KCND2: variants seen among roughly 807,000 people sequenced by gnomAD.
The protein encoded by KCND2 is A-type voltage-gated potassium channel KCND2.
In KCND2, 16 loss-of-function variants were observed where a neutral mutation model predicts 54.4. The ratio of observed to expected loss-of-function variants is 0.29; its 90% CI spans 0.20 to 0.45. KCND2 has a LOEUF of 0.45. Ranked by LOEUF, KCND2 falls within the 20% of genes least tolerant of loss-of-function variation. KCND2 has a pLI of 1.00. For synonymous variants in KCND2, 317 were observed against 310.7 expected, an observed-to-expected ratio of 1.02 and a Z score of -0.21; for missense variants, 486 against 824.2, an observed-to-expected ratio of 0.59 and a Z score of 5.02.
At chr7:120,712,960 C>T (rs1302219882) in intron 1 of KCND2, among the ~76,000 whole-genome samples, 1 of 152,150 alleles carries the variant, frequency 6.6e-6, no homozygotes, top group Non-Finnish European at 1.5e-5. Flanking sequence ...TGCATATCAG[C>T]TCTTTTAAAA....
intron 1 of KCND2, among the ~76,000 whole-genome samples, chr7:120,547,538 C>T (rs1054659835): frequency 6.6e-6 from 1 of 152,010 alleles, no homozygotes. Flanking sequence ...TTAGAACTCT[C>T]TGTTCCCTCC....
intron 1 of KCND2, among the ~76,000 whole-genome samples, chr7:120,427,425 A>T (rs1801726799): frequency 6.6e-6 from 1 of 152,170 alleles, no homozygotes; most frequent in African/African-American, 2.4e-5. Flanking sequence ...TGAGCCTCGG[A>T]ATAACAGTTT....
chr7:120,319,548 T>G (rs1799862485), intron 1 of KCND2, among the ~76,000 whole-genome samples: 1 of 152,124 alleles, frequency 6.6e-6, no homozygotes, highest in Non-Finnish European at 1.5e-5. Flanking sequence ...AAGCAAGTTC[T>G]TTTTCTGCTT....
intron 1 of KCND2, among the ~76,000 whole-genome samples, chr7:120,510,537 A>T (rs796662780): frequency 6.6e-6 from 1 of 152,220 alleles, no homozygotes; most frequent in African/African-American, 2.4e-5. Flanking sequence ...ATATACATTT[A>T]TTCATTAATA....
chr7:120,707,640 C>A (rs79920990), intron 1 of KCND2, among the ~76,000 whole-genome samples: 1 of 152,006 alleles, frequency 6.6e-6, no homozygotes, highest in South Asian at 2.1e-4. Context: ...CTTAAGCTTA[C>A]GATTTATCAA....
intron 1 of KCND2, among the ~76,000 whole-genome samples, chr7:120,291,148 C>G (rs1799429588): frequency 6.6e-6 from 1 of 151,770 alleles, no homozygotes; most frequent in Admixed American, 6.6e-5. Flanking sequence ...ATTTGCCCAT[C>G]ATAAGTGCTC....
At chr7:120,691,808 G>A (rs549939781) in intron 1 of KCND2, among the ~76,000 whole-genome samples, 8 of 152,214 alleles carry the variant, frequency 5.3e-5, no homozygotes, top group East Asian at 1.9e-4. Flanking sequence ...ACTGGGAGCC[G>A]AATCACTCCA....
rs73217260 is a variant in KCND2 at position 120,497,366 on chromosome 7, C to T, written c.1115+221619C>T. Among the ~76,000 whole-genome samples, 801 of 152,178 alleles carry T rather than the reference C, an allele frequency of 5.3e-3. 7 individuals carry two copies. Among genetic ancestry groups the T allele is most frequent in the Admixed American group, 0.028 (421 of 15,268 alleles). ...CTGGGAAATAAAATATTCTTGGGGA[C>T]GCATACGTGCTATTTCTTAGTCTTG... On this transcript the variant is annotated intron_variant, in intron 1 of 5. Coordinates refer to ENST00000331113, the MANE Select transcript of KCND2 (RefSeq NM_012281.3).
intron 1 of KCND2, among the ~76,000 whole-genome samples, chr7:120,483,076 C>T (rs1384069182): frequency 6.6e-6 from 1 of 152,132 alleles, no homozygotes; most frequent in Non-Finnish European, 1.5e-5. Context: ...GGAAGCCTGA[C>T]ATGAAAGCAT....
intron 1 of KCND2, among the ~76,000 whole-genome samples, chr7:120,316,610 T>C (rs1349883623): frequency 6.6e-6 from 1 of 152,158 alleles, no homozygotes; most frequent in Non-Finnish European, 1.5e-5. Context: ...CATGTAAATT[T>C]TAGGTTTGCA....
At chr7:120,523,349 T>TCAGAAAAA (rs939503375) in intron 1 of KCND2, among the ~76,000 whole-genome samples, 1 of 151,532 alleles carries the variant, frequency 6.6e-6, no homozygotes, top group Non-Finnish European at 1.5e-5. Flanking sequence ...TCCAGATAAT[T>TCAGAAAAA]CAGAAAAAAA....
chr7:120,499,070 G>A (rs1164309822), intron 1 of KCND2, among the ~76,000 whole-genome samples: 1 of 152,094 alleles, frequency 6.6e-6, no homozygotes, highest in East Asian at 1.9e-4. Flanking sequence ...TTATGGGCAG[G>A]AAGCAGTTCA....
At chr7:120,385,064 T>C (rs1800968864) in intron 1 of KCND2, among the ~76,000 whole-genome samples, 1 of 134,112 alleles carries the variant, frequency 7.5e-6, no homozygotes, top group Non-Finnish European at 1.5e-5. Context: ...TGGAGTGCAG[T>C]GGCACGATCT....
chr7:120,492,504 A>G (rs922545832), intron 1 of KCND2, among the ~76,000 whole-genome samples: 4 of 152,022 alleles, frequency 2.6e-5, no homozygotes, highest in African/African-American at 9.7e-5. Flanking sequence ...TATCGCTCAC[A>G]GTTCTGGAGG....
chr7:120,337,031 T>G (rs1800161204), intron 1 of KCND2, among the ~76,000 whole-genome samples: 1 of 152,078 alleles, frequency 6.6e-6, no homozygotes, highest in African/African-American at 2.4e-5. Context: ...TCTTGGAAAA[T>G]TCATATGACA....
intron 1 of KCND2, among the ~76,000 whole-genome samples, chr7:120,460,856 G>A (rs1286804210): frequency 6.6e-6 from 1 of 152,094 alleles, no homozygotes; most frequent in South Asian, 2.1e-4. Context: ...GCACACTTCT[G>A]TACAAATTCA....
intron 1 of KCND2, among the ~76,000 whole-genome samples, chr7:120,524,992 A>G (rs562039764): frequency 2.6e-5 from 4 of 152,296 alleles, no homozygotes; most frequent in South Asian, 2.1e-4. Context: ...TTTATTCCCA[A>G]TTCAGACTTT....
intron 1 of KCND2, among the ~76,000 whole-genome samples, chr7:120,556,350 G>A (rs776070277): frequency 6.6e-6 from 1 of 152,120 alleles, no homozygotes; most frequent in African/African-American, 2.4e-5. Flanking sequence ...CAGAAACTCT[G>A]ACTTCCTACC....
At chr7:120,303,082 C>G (rs1799608633) in intron 1 of KCND2, among the ~76,000 whole-genome samples, 1 of 151,858 alleles carries the variant, frequency 6.6e-6, no homozygotes, top group South Asian at 2.1e-4. Flanking sequence ...ATAAATTTTA[C>G]TTTGTTTGGC....
Sources: gnomAD v4.1 joint callset for allele counts (sites outside exome capture counted in the v4.1 genomes callset) on GRCh38, gnomAD v4.1.1 for gene constraint, MANE v1.5 for transcripts, NCBI Gene and HGNC (gene_info 2026-07-23, HGNC 2026-07-21) for gene names.